Variants in ADAMTSL1 observed in about 807,000 individuals in gnomAD.
ADAMTSL1 encodes the protein ADAMTS like 1, also known as ADAMTS-like protein 1.
In ADAMTSL1, 126 loss-of-function variants were observed where a neutral mutation model predicts 201.8. The observed-to-expected ratio is 0.62, with a 90% CI of 0.54 to 0.72. The LOEUF is 0.72. Among genes scored for constraint, ADAMTSL1 ranks in the 30% least tolerant of loss-of-function variants. The probability of loss-of-function intolerance (pLI) is 0.00; values close to 1 mark genes in which losing one functional copy is unlikely to be tolerated. For synonymous variants in ADAMTSL1, 1,121 were observed against 903.4 expected (o/e 1.24, Z -4.32); for missense variants, 2,679 against 2,277.8 (o/e 1.18, Z -3.59).
At chr9:18,852,875 T>A (rs979420450) in intron 23 of ADAMTSL1, among the ~76,000 whole-genome samples, 1 of 152,198 alleles carries the variant, frequency 6.6e-6, no homozygotes, top group Non-Finnish European at 1.5e-5. Flanking sequence ...GTTGCCTTAT[T>A]CCTAGGGCTA....
At chr9:18,363,743 ACTC>A (rs1438456713) in intron 2 of ADAMTSL1, among the ~76,000 whole-genome samples, 1 of 152,020 alleles carries the variant, frequency 6.6e-6, no homozygotes, top group African/African-American at 2.4e-5. Context: ...AGAGCTGACA[ACTC>A]CTCCTTTCTA....
chr9:18,872,271 G>C (rs566898356), intron 23 of ADAMTSL1, among the ~76,000 whole-genome samples: 78 of 152,310 alleles, frequency 5.1e-4, no homozygotes, highest in South Asian at 4.8e-3. Context: ...ACTGCTGAAA[G>C]CAGCTACCAT....
At chr9:18,414,153 A>G (rs1818571361) in intron 2 of ADAMTSL1, among the ~76,000 whole-genome samples, 1 of 152,040 alleles carries the variant, frequency 6.6e-6, no homozygotes, top group African/African-American at 2.4e-5. Context: ...ATATCATAAA[A>G]TTTCATCACT....
At chr9:18,185,220 T>C (rs1410879343) in intron 2 of ADAMTSL1, among the ~76,000 whole-genome samples, 2 of 152,198 alleles carry the variant, frequency 1.3e-5, no homozygotes. Context: ...CAGGATATTA[T>C]TCCTCTGATG....
rs552594501 is a variant in ADAMTSL1 at position 18,838,593 on chromosome 9, G to A, written c.4249+8616G>A. Among the ~76,000 whole-genome samples the A allele has an allele frequency of 2.5e-3, 381 of 152,296 alleles. 2 individuals carry two copies. The highest frequency in any genetic ancestry group is 8.9e-3 in the African/African-American group (370 of 41,554). Reference sequence around the variant, plus strand: ...TGTAATCCCAATGTTTTGGGAGGCTGAGATGGGAGGATTGCTTGAGGTCAA... The same window carrying A: ...TGTAATCCCAATGTTTTGGGAGGCTAAGATGGGAGGATTGCTTGAGGTCAA... On this transcript the variant is annotated intron_variant, in intron 23 of 28. Coordinates refer to ENST00000380548, the MANE Select transcript of ADAMTSL1 (RefSeq NM_001040272.6).
intron 20 of ADAMTSL1, among the ~76,000 whole-genome samples, chr9:18,814,053 A>G (rs1823680663): frequency 6.6e-6 from 1 of 152,122 alleles, no homozygotes; most frequent in Admixed American, 6.5e-5. Context: ...TTCTACATCT[A>G]TTGTCTTTCT....
At chr9:18,090,842 C>T (rs1003060740) in intron 1 of ADAMTSL1, among the ~76,000 whole-genome samples, 2 of 152,124 alleles carry the variant, frequency 1.3e-5, no homozygotes, top group Non-Finnish European at 2.9e-5. Context: ...TCTGCCTTCT[C>T]TCCTTCCTCC....
chr9:18,777,933 G>C, intron 19 of ADAMTSL1, 27 bp downstream of exon 19: 1 of 1,518,056 alleles, frequency 6.6e-7, no homozygotes, highest in Non-Finnish European at 8.8e-7. Context: ...ACCTGGTCTT[G>C]GGAGGGAGGC....
At chr9:17,985,199 G>C (rs1368287121) in intron 1 of ADAMTSL1, among the ~76,000 whole-genome samples, 1 of 152,010 alleles carries the variant, frequency 6.6e-6, no homozygotes, top group African/African-American at 2.4e-5. Context: ...TAATAAAAAA[G>C]TTTTTCTCTT....
At chr9:17,993,881 A>T (rs1819265060) in intron 1 of ADAMTSL1, among the ~76,000 whole-genome samples, 1 of 152,146 alleles carries the variant, frequency 6.6e-6, no homozygotes, top group Non-Finnish European at 1.5e-5. Context: ...ATGGTTAAAA[A>T]TCTAACATAT....
At chr9:18,222,368 TATTTA>T (rs924081105) in intron 2 of ADAMTSL1, among the ~76,000 whole-genome samples, 67 of 151,892 alleles carry the variant, frequency 4.4e-4, no homozygotes, top group African/African-American at 1.6e-3. Flanking sequence ...TTATTTTATT[TATTTA>T]ATTTGGAACT....
rs186472817 is a variant in ADAMTSL1, at chr9:18,026,509, T to G, written c.87+119587T>G. 1.1e-4 allele frequency among the ~76,000 whole-genome samples: 16 copies of G among 152,234 alleles called. No homozygotes were observed. The East Asian group carries it at 3.1e-3, about 29-fold the overall frequency. On this transcript the variant is annotated intron_variant, in intron 1 of 29. Transcript: ENST00000680146. Reference sequence around the variant, plus strand: ...AATCTGTTTATGTGGTGAATCACATTTATTGATTCATGTGTGTTAAACAAA... The same window carrying G: ...AATCTGTTTATGTGGTGAATCACATGTATTGATTCATGTGTGTTAAACAAA...
chr9:18,524,982 T>C (rs979491465), intron 2 of ADAMTSL1, among the ~76,000 whole-genome samples: 39 of 152,354 alleles, frequency 2.6e-4, no homozygotes, highest in African/African-American at 9.4e-4. Context: ...GATTCCCTCT[T>C]TTTCTATTGA....
chr9:18,637,448 GA>G (rs1208105644), intron 6 of ADAMTSL1, among the ~76,000 whole-genome samples: 1 of 152,118 alleles, frequency 6.6e-6, no homozygotes, highest in Non-Finnish European at 1.5e-5. Flanking sequence ...GCGGAAGAAA[GA>G]ACCCATAGGA....
chr9:18,205,873 G>A (rs773347135), intron 2 of ADAMTSL1, among the ~76,000 whole-genome samples: 3 of 151,790 alleles, frequency 2.0e-5, no homozygotes, highest in Non-Finnish European at 2.9e-5. Context: ...GGGCAACATG[G>A]TGAAACCCCA....
At chr9:18,696,482 G>C (rs1420525260) in intron 13 of ADAMTSL1, among the ~76,000 whole-genome samples, 1 of 152,204 alleles carries the variant, frequency 6.6e-6, no homozygotes, top group East Asian at 1.9e-4. Context: ...CCTGGGGACA[G>C]TAGGAGACAA....
At chr9:18,229,073 A>C (rs534055205) in intron 2 of ADAMTSL1, among the ~76,000 whole-genome samples, 1 of 152,202 alleles carries the variant, frequency 6.6e-6, no homozygotes, top group Non-Finnish European at 1.5e-5. Flanking sequence ...CCATATTTGC[A>C]TAGGATGGAG....
Position 18,026,217 on chromosome 9 carries a change from G to A in ADAMTSL1, c.87+119295G>A, listed in dbSNP as rs553986752. Among the ~76,000 whole-genome samples, 10 of 151,934 alleles carry A rather than the reference G, an allele frequency of 6.6e-5. 1 individual carries two copies. The highest frequency in any genetic ancestry group is 2.4e-4 in the African/African-American group (10 of 41,466). On this transcript the variant is annotated intron_variant, in intron 1 of 29. Transcript: ENST00000680146. Reference sequence around the variant, plus strand: ...TTTTATTTCTTTCTCTTGCCTCATTGCTCTGGCCTGGACTTCCAGTACTGT... The same window carrying A: ...TTTTATTTCTTTCTCTTGCCTCATTACTCTGGCCTGGACTTCCAGTACTGT...
intron 2 of ADAMTSL1, among the ~76,000 whole-genome samples, chr9:18,429,437 T>G (rs1819383512): frequency 1.3e-5 from 2 of 152,160 alleles, no homozygotes; most frequent in African/African-American, 4.8e-5. Context: ...ATGTCTGATG[T>G]GTCTGTGTGC....
Sources: allele counts gnomAD v4.1 joint callset (sites outside exome capture counted in the v4.1 genomes callset), GRCh38; gene constraint gnomAD v4.1.1; transcripts MANE v1.5; gene names NCBI Gene and HGNC (gene_info 2026-07-23, HGNC 2026-07-21).